Variants in ERN1 observed in about 807,000 individuals in gnomAD.
ERN1 encodes the protein endoplasmic reticulum to nucleus signaling 1.
In ERN1, 39 loss-of-function variants were observed where a neutral mutation model predicts 113.1. The observed-to-expected ratio is 0.34, with a 90% CI of 0.27 to 0.45. ERN1 has a LOEUF of 0.45. ERN1 is among the 20% of genes least tolerant of loss of function. ERN1 has a pLI of 1.00. For synonymous variants in ERN1, 507 were observed against 515.9 expected, an observed-to-expected ratio of 0.98 and a Z score of 0.23; for missense variants, 976 against 1,274.8, an observed-to-expected ratio of 0.77 and a Z score of 3.57.
At chr17:64,097,839 A>G (rs545812472) in intron 2 of ERN1, 1 of 339,872 alleles carries the variant, frequency 2.9e-6, no homozygotes, top group African/African-American at 2.1e-5. Context: ...AACTAGCTAG[A>G]GCTATTAATA....
At chr17:64,127,056 G>C (rs753893088) in intron 1 of ERN1, among the ~76,000 whole-genome samples, 4 of 152,074 alleles carry the variant, frequency 2.6e-5, no homozygotes, top group Non-Finnish European at 5.9e-5. Flanking sequence ...GCAAGATATA[G>C]GTCTAGGAAG....
At position 64,054,690 on chromosome 17, in the gene ERN1, C is replaced by A; in HGVS notation, c.1763+48G>T. On this transcript the variant is annotated intron_variant, in intron 14 of 21. Coordinates refer to ENST00000433197, the MANE Select transcript of ERN1 (RefSeq NM_001433.5). The surrounding 1 kb of genome is among the most constrained non-coding windows in gnomAD (Gnocchi z 4.9). ...GGCACCAGGCTCGCAACCTGACAGG[C>A]ACTTAGACACCAGGCGGTGAGGGCA... 6.9e-7 allele frequency: 1 copy of A among 1,446,106 alleles called. No individual in the cohort carries two copies. Among genetic ancestry groups the A allele is most frequent in the South Asian group, 1.2e-5 (1 of 81,338 alleles). The allele number at this position is 1,446,106 out of a possible 1,614,324, so 89.6% of individuals were successfully genotyped here.
chr17:64,098,172 A>G lies in ERN1; in HGVS notation c.124T>C (p.Leu42=). The change falls in exon 2 of 22, where the codon TTG becomes CTG. Residue 42 remains leucine (L), a synonymous_variant. Coordinates refer to ENST00000433197, the MANE Select transcript of ERN1 (RefSeq NM_001433.5). ...CCTGTCCTCTTGCTGACAGCATGCAAACTTCCATCCAGCGTTGACACAAAC... is the reference window on the plus strand; with the variant it reads ...CCTGTCCTCTTGCTGACAGCATGCAGACTTCCATCCAGCGTTGACACAAAC... ...LLFVSTLDGS[L]HAVSKRTGSI... 6.2e-7 allele frequency: 1 copy of G among 1,613,988 alleles called. No homozygotes were observed. The highest frequency in any genetic ancestry group is 8.5e-7 in the Non-Finnish European group (1 of 1,179,880).
At chr17:64,128,819 C>T (rs926709837) in intron 1 of ERN1, 4 of 151,872 alleles carry the variant, frequency 2.6e-5, no homozygotes, top group African/African-American at 9.7e-5. Flanking sequence ...AAAAGGCAAC[C>T]TTATTTATTT....
rs147878922 is a variant in ERN1, at chr17:64,055,918, G to C, written c.1429C>G (p.Gln477Glu). The change falls in exon 13 of 22, where the codon CAG becomes GAG. Residue 477 changes from glutamine to glutamate, a missense_variant. This residue lies in a region of ERN1 where 16 missense variants were observed against 42.3 expected (regional missense o/e 0.38). Coordinates refer to ENST00000433197, the MANE Select transcript of ERN1 (RefSeq NM_001433.5). ...TTCTCCAGTTCCTTCTGGAACTGCT[G>C]GTGCTGGAGCTGCTGCTGCTGATGC... ...SMHQQQQLQHQQFQKELEKIQ... is the reference protein window; with the variant it reads ...SMHQQQQLQHEQFQKELEKIQ... 236 of 1,548,814 alleles carry C rather than the reference G, an allele frequency of 1.5e-4. 3 individuals carry two copies. The African/African-American group carries it at 2.5e-3, about 16-fold the overall frequency.
Position 64,116,654 on chromosome 17 carries a change from AACAC to A in ERN1, c.54+13318_54+13321del, listed in dbSNP as rs149334208. The stretch of plus-strand genomic sequence containing the variant: ...ATCTTATTTAATGTAAAAAAAAAAT[AACAC>A]ACACACACACACACACAAACACACC... On this transcript the variant is annotated intron_variant, in intron 1 of 21. Coordinates refer to ENST00000433197, the MANE Select transcript of ERN1 (RefSeq NM_001433.5). Among the ~76,000 whole-genome samples the A allele has an allele frequency of 1.2e-4, 18 of 149,772 alleles. 1 individual carries two copies. Among genetic ancestry groups the A allele is most frequent in the East Asian group, 1.9e-4 (1 of 5,138 alleles).
At chr17:64,086,620 T>G (rs1567875323) in intron 2 of ERN1, among the ~76,000 whole-genome samples, 1 of 147,662 alleles carries the variant, frequency 6.8e-6, no homozygotes, top group Non-Finnish European at 1.5e-5. Flanking sequence ...TTCATTTCTT[T>G]TTTTTTCTTT....
At chr17:64,119,232 T>C (rs546252933) in intron 1 of ERN1, among the ~76,000 whole-genome samples, 1 of 152,206 alleles carries the variant, frequency 6.6e-6, no homozygotes, top group Admixed American at 6.5e-5. Flanking sequence ...TATGTTTTAA[T>C]ATAAGGCCTA....
chr17:64,074,542 T>C (rs1023596491), intron 5 of ERN1, among the ~76,000 whole-genome samples: 6 of 152,222 alleles, frequency 3.9e-5, no homozygotes, highest in Non-Finnish European at 7.3e-5. Context: ...CCTCGAGGCA[T>C]GAATAGGCAA....
intron 12 of ERN1, among the ~76,000 whole-genome samples, chr17:64,057,356 TTTTTTTTC>T (rs2143348137): frequency 6.5e-5 from 1 of 15,314 alleles, no homozygotes; most frequent in Non-Finnish European, 7.7e-3. Context: ...AACACTGACT[TTTTTTTTC>T]TTTTTTTTTG....
intron 1 of ERN1, among the ~76,000 whole-genome samples, chr17:64,122,031 C>T (rs1914968359): frequency 1.3e-5 from 2 of 152,230 alleles, no homozygotes; most frequent in Admixed American, 1.3e-4. Context: ...CTAGATCCTT[C>T]TCTCATGGCC....
Position 64,114,625 on chromosome 17 carries a change from T to C in ERN1, c.54+15351A>G, listed in dbSNP as rs80349284. Among the ~76,000 whole-genome samples the C allele has an allele frequency of 5.9e-3, 892 of 152,210 alleles. 12 individuals are homozygous for C. The highest frequency in any genetic ancestry group is 0.02 in the African/African-American group (818 of 41,510). ...ATGGCGTGGGCCACAAGAGTCAGAA[T>C]CTTTTTTTTACGTGTCTTATTTGTT... is the stretch of plus-strand genomic sequence containing the variant. On this transcript the variant is annotated intron_variant, in intron 1 of 21. Coordinates refer to ENST00000433197, the MANE Select transcript of ERN1 (RefSeq NM_001433.5).
Position 64,068,226 on chromosome 17 carries a change from A to G in ERN1, c.544T>C (p.Tyr182His), listed in dbSNP as rs746280051. 3 of 1,612,414 alleles carry G rather than the reference A, an allele frequency of 1.9e-6. No individual in the cohort carries two copies. Among genetic ancestry groups the G allele is most frequent in the Non-Finnish European group, 2.5e-6 (3 of 1,179,316 alleles). Residue 182 changes from tyrosine to histidine, a missense_variant, in exon 7 of 22, where the codon TAT (tyrosine) becomes CAT (histidine). Coordinates refer to ENST00000433197, the MANE Select transcript of ERN1 (RefSeq NM_001433.5). ...TCGTCCTCAGGCAGTGAGGCCGCAT[A>G]GTCAAAGTAGGTGGCATTCCACCGG... ...ELRWNATYFDYAASLPEDDVD... is the reference protein window; with the variant it reads ...ELRWNATYFDHAASLPEDDVD...
intron 4 of ERN1, 31 bp downstream of exon 4, chr17:64,079,631 T>C: frequency 6.4e-7 from 1 of 1,572,878 alleles, no homozygotes; most frequent in Non-Finnish European, 8.8e-7. Flanking sequence ...CTAGAACCCC[T>C]GGAGTACAAA....
chr17:64,046,585 C>T (rs1912521640), intron 19 of ERN1, among the ~76,000 whole-genome samples: 1 of 152,218 alleles, frequency 6.6e-6, no homozygotes, highest in African/African-American at 2.4e-5. Flanking sequence ...TTAAACTCTT[C>T]CCAACCCGAT....
At chr17:64,073,159 T>C (rs1913476266) in intron 5 of ERN1, among the ~76,000 whole-genome samples, 1 of 151,668 alleles carries the variant, frequency 6.6e-6, no homozygotes, top group Non-Finnish European at 1.5e-5. Flanking sequence ...CATGTGCCAC[T>C]ATGCCTGGCT....
At chr17:64,108,637 A>G (rs551373371) in intron 1 of ERN1, among the ~76,000 whole-genome samples, 1 of 152,286 alleles carries the variant, frequency 6.6e-6, no homozygotes, top group South Asian at 2.1e-4. Flanking sequence ...CTAAAGGGAA[A>G]CAGCATCAAC....
At chr17:64,069,202 A>G (rs1913331840) in intron 6 of ERN1, among the ~76,000 whole-genome samples, 1 of 152,162 alleles carries the variant, frequency 6.6e-6, no homozygotes, top group South Asian at 2.1e-4. Flanking sequence ...GCCCCCATCA[A>G]GGGAGTTCTA....
chr17:64,098,060 A>T (rs932948183), intron 2 of ERN1, 61 bp downstream of exon 2: 1 of 1,591,210 alleles, frequency 6.3e-7, no homozygotes, highest in Non-Finnish European at 8.6e-7. Context: ...TCTCCAGAAT[A>T]TGTTTCTGTG....
Sources: gnomAD v4.1 joint callset for allele counts (sites outside exome capture counted in the v4.1 genomes callset) on GRCh38, gnomAD v4.1.1 for gene constraint, gnomAD v4.1.1 regional missense constraint, Gnocchi (gnomAD v3.1) non-coding constraint, MANE v1.5 for transcripts, NCBI Gene and HGNC (gene_info 2026-07-23, HGNC 2026-07-21) for gene names.